The following H2BW2 variants were observed in gnomAD, a reference collection of about 807,000 sequenced individuals.
H2BW2 encodes histone H2B type F-M.
In H2BW2, 8 loss-of-function variants were observed where a neutral mutation model predicts 9.2. The ratio of observed to expected loss-of-function variants is 0.87; its 90% CI spans 0.51 to 1.57. The LOEUF (loss-of-function observed/expected upper bound fraction) is 1.57. Ranked by LOEUF, H2BW2 falls within the 40% of genes most tolerant of loss-of-function variation. The pLI is 0.00. For missense variants in H2BW2, 193 were observed against 137.3 expected, an observed-to-expected ratio of 1.41 and a Z score of -2.03; for synonymous variants, 80 against 56.8, an observed-to-expected ratio of 1.41 and a Z score of -1.84.
At chrX:104,041,726 ATGTTTCCCGTAAAT>A (rs1556344566) in intron 3 of H2BW2, 1 of 112,068 alleles carries the variant, frequency 8.9e-6, no homozygotes, top group Non-Finnish European at 1.9e-5. Flanking sequence ...TTTTTGTTAA[ATGTTTCCCGTAAAT>A]TTTGAAACAT....
In H2BW2 at chrX:104,040,484, C is replaced by T. The variant is rs782497487; in HGVS notation, c.410+80C>T. The T allele has an allele frequency of 4.4e-4, 418 of 950,176 alleles. 1 individual carries two copies. The South Asian group carries it at 9.8e-3, about 22-fold the overall frequency. 78.3% of individuals were successfully genotyped at this position (950,176 alleles called of 1,213,427 possible). A position where few individuals can be genotyped will look rare whatever the true frequency, so the allele number is the denominator to read the frequency against. On this transcript the variant is annotated intron_variant, in intron 1 of 3. Coordinates refer to ENST00000675318, the MANE Select transcript of H2BW2 (RefSeq NM_001388464.1). ...AAAGGCTCTATTCAGAACCACCGCC[C>T]GTGGCCCTATAGGCCAGTGGCCCGC...
In H2BW2 at chrX:104,040,168, C is replaced by A. The variant is rs782560809; in HGVS notation, c.174C>A (p.Phe58Leu). 1.7e-6 allele frequency: 2 copies of A among 1,185,658 alleles called. No homozygotes were observed. The highest frequency in any genetic ancestry group is 2.3e-6 in the Non-Finnish European group (2 of 883,014). The change falls in exon 1 of 4, where the codon TTC becomes TTA. Residue 58 changes from phenylalanine to leucine, a missense_variant. Coordinates refer to ENST00000675318, the MANE Select transcript of H2BW2 (RefSeq NM_001388464.1). ...DSFGDSFTPYFPRVLKQVHQG... is the reference protein window; with the variant it reads ...DSFGDSFTPYLPRVLKQVHQG... ...TCGGGGACAGCTTCACCCCCTATTT[C>A]CCCCGGGTGCTGAAGCAGGTTCACC...
rs1556344168 is a variant in H2BW2 at position 104,040,727 on chromosome X, T to C, written c.411-101T>C. On this transcript the variant is annotated intron_variant, in intron 1 of 3. Transcript: ENST00000675318. ...CAGTTTCCCAAATGGCCGTTTTTCT[T>C]AGTTATCTTTCTAGGTTATCTTTAT... 9.4e-6 allele frequency: 5 copies of C among 529,341 alleles called. No individual in the cohort carries two copies. In the East Asian group the frequency reaches 1.1e-4, roughly 11 times the overall value. 43.6% of individuals were successfully genotyped at this position (529,341 alleles called of 1,213,427 possible).
At chrX:104,040,734 C>T (rs2075200801) in intron 1 of H2BW2, 94 bp from the exon 2 acceptor site, 1 of 533,878 alleles carries the variant, frequency 1.9e-6, no homozygotes, top group African/African-American at 2.3e-5. Flanking sequence ...TCTTAGTTAT[C>T]TTTCTAGGTT....
intron 1 of H2BW2, among the ~76,000 whole-genome samples, 161 bp downstream of exon 1, chrX:104,040,565 G>A (rs782275324): frequency 4.4e-5 from 5 of 112,707 alleles, no homozygotes. Context: ...AGCTTGGGGG[G>A]CATGTGCCGT....
intron 1 of H2BW2, 129 bp downstream of exon 1, chrX:104,040,533 T>G: frequency 1.6e-6 from 1 of 634,934 alleles, no homozygotes; most frequent in Non-Finnish European, 2.3e-6. Flanking sequence ...CCACCGGAGG[T>G]TGGTGTGGGT....
rs191234248 is a variant in H2BW2, at chrX:104,042,190, G to A, written c.*120G>A. 1 of 112,582 alleles carries A rather than the reference G, an allele frequency of 8.9e-6. No individual in the cohort carries two copies. The highest frequency in any genetic ancestry group is 2.8e-4 in the East Asian group (1 of 3,594). The allele number at this position is 112,582 out of a possible 1,213,427, so 9.3% of individuals were successfully genotyped here. A position where few individuals can be genotyped will look rare whatever the true frequency, so the allele number is the denominator to read the frequency against. The stretch of plus-strand genomic sequence containing the variant: ...TGAAGTTGTGCTTATTGCACGAGGA[G>A]ACCAAGAAAAACCCCACAAAATCAG... On this transcript the variant is annotated 3_prime_UTR_variant, in exon 4 of 4. Coordinates refer to ENST00000675318, the MANE Select transcript of H2BW2 (RefSeq NM_001388464.1).
chrX:104,040,247 G>T lies in H2BW2; in HGVS notation c.253G>T (p.Asp85Tyr). The T allele has an allele frequency of 8.4e-7, 1 of 1,194,234 alleles. No homozygotes were observed. Among genetic ancestry groups the T allele is most frequent in the Non-Finnish European group, 1.1e-6 (1 of 886,741 alleles). The change falls in exon 1 of 4, where the codon GAC becomes TAC. Residue 85 changes from aspartate to tyrosine, a missense_variant. Coordinates refer to ENST00000675318, the MANE Select transcript of H2BW2 (RefSeq NM_001388464.1). The part of the protein sequence containing the change: ...AVSVMDSMIH[D>Y]ILDRIATEAG... The stretch of plus-strand genomic sequence containing the variant: ...GAGTGTCATGGATTCTATGATCCAT[G>T]ACATATTGGACCGCATCGCCACCGA...
Position 104,040,067 on chromosome X carries a change from A to G in H2BW2, c.73A>G (p.Thr25Ala). 2.6e-6 allele frequency: 3 copies of G among 1,165,571 alleles called. No homozygotes were observed. Among genetic ancestry groups the G allele is most frequent in the Non-Finnish European group, 3.4e-6 (3 of 872,130 alleles). ...CCAGGAGCCCAAAGAGGCCAACTCC[A>G]CGAAGGCCCAGAAGCAGAAGAGGCG... ...SIQEPKEANS[T>A]KAQKQKRRGC... Residue 25 changes from threonine (T) to alanine (A), a missense_variant, in exon 1 of 4, where the codon ACG becomes GCG. Coordinates refer to ENST00000675318, the MANE Select transcript of H2BW2 (RefSeq NM_001388464.1).
In H2BW2 at chrX:104,040,379, G is replaced by C; in HGVS notation, c.385G>C (p.Ala129Pro). 8.6e-7 allele frequency: 1 copy of C among 1,165,565 alleles called. No individual in the cohort carries two copies. The highest frequency in any genetic ancestry group is 1.1e-6 in the Non-Finnish European group (1 of 872,492). ...LPGKMGKLAE[A>P]QGTNAALRTS... ...GGGGAAGATGGGCAAGCTCGCCGAG[G>C]CCCAGGGCACGAATGCCGCCCTCAG... The change falls in exon 1 of 4, where the codon GCC (alanine) becomes CCC (proline). Residue 129 changes from alanine to proline, a missense_variant. By Grantham distance (27) the Ala-to-Pro change is conservative. Coordinates refer to ENST00000675318, the MANE Select transcript of H2BW2 (RefSeq NM_001388464.1).
Position 104,041,116 on chromosome X carries a change from A to G in H2BW2, c.*41+10A>G. 1 of 414,923 alleles carries G rather than the reference A, an allele frequency of 2.4e-6. No individual in the cohort carries two copies. Among genetic ancestry groups the G allele is most frequent in the Non-Finnish European group, 4.2e-6 (1 of 236,871 alleles). The allele number at this position is 414,923 out of a possible 1,213,427, so 34.2% of individuals were successfully genotyped here. On this transcript the variant is annotated intron_variant, in intron 3 of 3. Coordinates refer to ENST00000675318, the MANE Select transcript of H2BW2 (RefSeq NM_001388464.1). ...CCTTCCTTACTTCCAGGTGTGTGTCAGTAGGATTACGGAGTGTCCACGGAA... is the reference window on the plus strand; with the variant it reads ...CCTTCCTTACTTCCAGGTGTGTGTCGGTAGGATTACGGAGTGTCCACGGAA...
chrX:104,041,556 A>G, intron 3 of H2BW2: 1 of 111,540 alleles, frequency 9.0e-6, no homozygotes, highest in Middle Eastern at 4.6e-3. Context: ...ATTTTTTTCT[A>G]TAAGTGTATT....
At chrX:104,040,444 GCA>G in intron 1 of H2BW2, 40 bp downstream of exon 1, 7 of 1,075,578 alleles carry the variant, frequency 6.5e-6, no homozygotes, top group Non-Finnish European at 7.4e-6. Context: ...GAGCGCCTGA[GCA>G]CCTGGGAAAC....
At position 104,040,120 on chromosome X, in the gene H2BW2, C is replaced by T. The variant is rs200102787; in HGVS notation, c.126C>T (p.His42=). The T allele has an allele frequency of 0.015, 17,258 of 1,169,697 alleles. 115 individuals carry two copies. The highest frequency in any genetic ancestry group is 0.017 in the Non-Finnish European group (15,102 of 875,029). Residue 42 remains histidine (H), a synonymous_variant, in exon 1 of 4, where the codon CAC becomes CAT. Coordinates refer to ENST00000675318, the MANE Select transcript of H2BW2 (RefSeq NM_001388464.1). ...GGTGCCGAGGCTCCCGCAGGCGCCA[C>T]GCCAACCGCCGTGGGGACAGCTTCG... The part of the protein sequence containing the change: ...RRGCRGSRRR[H]ANRRGDSFGD...
chrX:104,042,132 G>A lies in H2BW2; in HGVS notation c.*62G>A, dbSNP rs1164364452. On this transcript the variant is annotated 3_prime_UTR_variant, in exon 4 of 4. Coordinates refer to ENST00000675318, the MANE Select transcript of H2BW2 (RefSeq NM_001388464.1). ...TCCAGATTATTAGAAAAATATTACA[G>A]AAATAGCTGAAGAGAAATGTTATGA... 3.6e-5 allele frequency: 4 copies of A among 112,598 alleles called. No individual in the cohort carries two copies. Among genetic ancestry groups the A allele is most frequent in the African/African-American group, 1.3e-4 (4 of 30,928 alleles). The allele number at this position is 112,598 out of a possible 1,213,427, so 9.3% of individuals were successfully genotyped here. A position where few individuals can be genotyped will look rare whatever the true frequency, so the allele number is the denominator to read the frequency against.
In H2BW2 at chrX:104,040,106, TC is replaced by T; in HGVS notation, c.115del (p.Arg39AlafsTer24). On this transcript the variant is annotated frameshift_variant, in exon 1 of 4. Transcript: ENST00000675318. LOFTEE classifies it high-confidence loss of function. ...QKQKRRGCRG[S>X]RRRHANRRGD... ...GCAGAAGAGGCGAGGGTGCCGAGGC[TC>T]CCGCAGGCGCCACGCCAACCGCCGT... 8.6e-7 allele frequency: 1 copy of T among 1,167,704 alleles called. No homozygotes were observed. Among genetic ancestry groups the T allele is most frequent in the Non-Finnish European group, 1.1e-6 (1 of 873,530 alleles).
intron 3 of H2BW2, chrX:104,041,690 G>A (rs1294868091): frequency 1.8e-5 from 2 of 111,712 alleles, no homozygotes; most frequent in Non-Finnish European, 3.8e-5. Flanking sequence ...TTATTATGTT[G>A]TGCCTTGAAG....
Position 104,040,077 on chromosome X carries a change from A to G in H2BW2, c.83A>G (p.Gln28Arg), listed in dbSNP as rs782359058. Reference protein sequence around the residue: ...EPKEANSTKAQKQKRRGCRGS... With the variant: ...EPKEANSTKARKQKRRGCRGS... ...AAAGAGGCCAACTCCACGAAGGCCC[A>G]GAAGCAGAAGAGGCGAGGGTGCCGA... The change falls in exon 1 of 4, where the codon CAG becomes CGG. Residue 28 changes from glutamine to arginine, a missense_variant. By Grantham distance (43) the Gln-to-Arg change is conservative (BLOSUM62 1). Transcript: ENST00000675318. 6.9e-6 allele frequency: 8 copies of G among 1,164,571 alleles called. No individual in the cohort carries two copies. In the South Asian group the frequency reaches 1.6e-4, roughly 23 times the overall value.
At chrX:104,041,438 T>C (rs1186285341) in intron 3 of H2BW2, 1 of 113,679 alleles carries the variant, frequency 8.8e-6, no homozygotes, top group African/African-American at 3.2e-5. Flanking sequence ...AGAAGTCAGA[T>C]AAGGCTTATT....
Sources: allele counts gnomAD v4.1 joint callset (sites outside exome capture counted in the v4.1 genomes callset), GRCh38; gene constraint gnomAD v4.1.1; transcripts MANE v1.5; gene names NCBI Gene and HGNC (gene_info 2026-07-23, HGNC 2026-07-21).